The following ZSWIM9 variants were observed in gnomAD, a reference collection of about 807,000 sequenced individuals.
The protein encoded by ZSWIM9 is zinc finger SWIM-type containing 9.
A neutral mutation model predicts 25.0 loss-of-function variants in ZSWIM9; 11 were observed. The ratio of observed to expected loss-of-function variants is 0.44; its 90% CI spans 0.28 to 0.73. The LOEUF (loss-of-function observed/expected upper bound fraction) is 0.73, where lower values mean the gene tolerates loss of function less well. Among genes scored for constraint, ZSWIM9 ranks in the 30% least tolerant of loss-of-function variants. ZSWIM9 has a pLI of 0.16. For missense variants in ZSWIM9, 1,070 were observed against 1,296.5 expected (o/e 0.83, Z 2.68); for synonymous variants, 562 against 582.1 (o/e 0.97, Z 0.50).
At position 48,197,559 on chromosome 19, in the gene ZSWIM9, A is replaced by G; in HGVS notation, c.*732A>G. ...ACTGGGGGTCAGGAGAGTCTCCAGC[A>G]GGGGAGGGGAATTGTTTGGACTATT... On this transcript the variant is annotated 3_prime_UTR_variant, in exon 4 of 4. Transcript: ENST00000614654. 2.2e-6 allele frequency: 1 copy of G among 456,120 alleles called. No individual in the cohort carries two copies. Among genetic ancestry groups the G allele is most frequent in the African/African-American group, 2.0e-5 (1 of 50,846 alleles). 28.3% of individuals were successfully genotyped at this position (456,120 alleles called of 1,614,324 possible).
chr19:48,172,094 C>T lies in ZSWIM9; in HGVS notation c.275+17C>T. ...CGCCGTGGGGTGCGTGAACCTGAGCCGCTGTCCTGCTGGGGGGAAGGGGAG... is the reference window on the plus strand; with the variant it reads ...CGCCGTGGGGTGCGTGAACCTGAGCTGCTGTCCTGCTGGGGGGAAGGGGAG... On this transcript the variant is annotated intron_variant, in intron 2 of 3. Coordinates refer to ENST00000614654, the MANE Select transcript of ZSWIM9 (RefSeq NM_199341.4). The T allele has an allele frequency of 7.9e-7, 1 of 1,262,746 alleles. No individual in the cohort carries two copies. The highest frequency in any genetic ancestry group is 1.0e-6 in the Non-Finnish European group (1 of 971,980). The allele number at this position is 1,262,746 out of a possible 1,614,324, so 78.2% of individuals were successfully genotyped here.
At position 48,194,764 on chromosome 19, in the gene ZSWIM9, C is replaced by T. The variant is rs2037136609; in HGVS notation, c.700C>T (p.Leu234=). The T allele has an allele frequency of 1.3e-6, 2 of 1,533,134 alleles. No homozygotes were observed. The highest frequency in any genetic ancestry group is 1.7e-6 in the Non-Finnish European group (2 of 1,145,544). The allele number at this position is 1,533,134 out of a possible 1,614,324, so 95.0% of individuals were successfully genotyped here. The change falls in exon 4 of 4, where the codon CTG becomes TTG. Residue 234 remains leucine, a synonymous_variant. Transcript: ENST00000614654. The surrounding 1 kb of genome is among the most constrained non-coding windows in gnomAD (Gnocchi z 6.0). ...CCCTCGCATGCTGCTGGTGGACCGG[C>T]TGCCGGGGCTGCAGGGCGCGCTGGA... The part of the protein sequence containing the change: ...RFPRMLLVDR[L]PGLQGALDLL...
intron 3 of ZSWIM9, among the ~76,000 whole-genome samples, chr19:48,193,454 G>A (rs1422548758): frequency 1.3e-5 from 2 of 152,088 alleles, no homozygotes; most frequent in Admixed American, 6.5e-5. Context: ...AGAAGGACAC[G>A]GAATAAAATC....
Position 48,196,821 on chromosome 19 carries a change from GCCCTGAC to G in ZSWIM9, c.2760_*3del. 8.1e-7 allele frequency: 1 copy of G among 1,240,920 alleles called. No individual in the cohort carries two copies. Among genetic ancestry groups the G allele is most frequent in the Non-Finnish European group, 1.0e-6 (1 of 993,416 alleles). 76.9% of individuals were successfully genotyped at this position (1,240,920 alleles called of 1,614,324 possible). A position where few individuals can be genotyped will look rare whatever the true frequency, so the allele number is the denominator to read the frequency against. ...GGGATTGCTGGGGGAGAGCCCCAGA[GCCCTGAC>G]CCTTCATGCCTCTGCCCACCACCCT... On this transcript the variant is annotated stop_lost and 3_prime_UTR_variant, in exon 4 of 4. Transcript: ENST00000614654.
rs372130877 is a variant in ZSWIM9, at chr19:48,196,497, AC to A, written c.2438del (p.Pro813ArgfsTer63). 4 of 1,230,718 alleles carry A rather than the reference AC, an allele frequency of 3.3e-6. No individual in the cohort carries two copies. The highest frequency in any genetic ancestry group is 4.0e-6 in the Non-Finnish European group (4 of 987,872). 76.2% of individuals were successfully genotyped at this position (1,230,718 alleles called of 1,614,324 possible). On this transcript the variant is annotated frameshift_variant, in exon 4 of 4. Coordinates refer to ENST00000614654, the MANE Select transcript of ZSWIM9 (RefSeq NM_199341.4). LOFTEE classifies it high-confidence loss of function. The part of the protein sequence containing the change: ...GPREPKRLCR[P>X]PGEEEVDWEP... ...CCAGGGAACCAAAGAGGCTTTGCCGACCCCCGGGAGAGGAGGAGGTGGACTG... is the reference window on the plus strand; with the variant it reads ...CCAGGGAACCAAAGAGGCTTTGCCGACCCCGGGAGAGGAGGAGGTGGACTG...
chr19:48,187,665 C>T (rs1318981166), intron 3 of ZSWIM9: 5 of 127,806 alleles, frequency 3.9e-5, no homozygotes, highest in South Asian at 2.3e-4. Context: ...ATAATAGGTG[C>T]GATGGCTCAC....
At chr19:48,185,643 T>C (rs1467670956) in intron 3 of ZSWIM9, among the ~76,000 whole-genome samples, 3 of 152,224 alleles carry the variant, frequency 2.0e-5, no homozygotes. Flanking sequence ...TCTCGCTTTC[T>C]ATCCTATGGA....
intron 2 of ZSWIM9, among the ~76,000 whole-genome samples, chr19:48,180,260 C>G: frequency 6.6e-6 from 1 of 152,212 alleles, no homozygotes; most frequent in African/African-American, 2.4e-5. Context: ...AGGTGATCCG[C>G]CCACCTCGGC....
Position 48,182,113 on chromosome 19 carries a change from C to T in ZSWIM9, c.276-342C>T. On this transcript the variant is annotated intron_variant, in intron 2 of 3. Transcript: ENST00000614654. The surrounding 1 kb of genome is among the most constrained non-coding windows in gnomAD (Gnocchi z 4.6). The stretch of plus-strand genomic sequence containing the variant: ...CAATAAAACATTCACTCACTTTTGA[C>T]AGAACTAAGGGTGGTAGGTATAGAA... 1 of 269,546 alleles carries T rather than the reference C, an allele frequency of 3.7e-6. No individual in the cohort carries two copies. The highest frequency in any genetic ancestry group is 6.9e-6 in the Non-Finnish European group (1 of 144,248). 16.7% of individuals were successfully genotyped at this position (269,546 alleles called of 1,614,324 possible).
In ZSWIM9 at chr19:48,195,543, G is replaced by A. The variant is rs2037150359; in HGVS notation, c.1479G>A (p.Glu493=). The change falls in exon 4 of 4, where the codon GAG becomes GAA. Residue 493 remains glutamate (E), a synonymous_variant. Coordinates refer to ENST00000614654, the MANE Select transcript of ZSWIM9 (RefSeq NM_199341.4). This position sits in a 1 kb window ranked among gnomAD's most constrained non-coding sequence, Gnocchi z 5.8. The part of the protein sequence containing the change: ...EGSIWRGAQM[E]KEWARALETR... ...GTATTTGGAGGGGAGCCCAGATGGA[G>A]AAGGAGTGGGCAAGGGCACTGGAAA... The A allele has an allele frequency of 7.1e-7, 1 of 1,416,180 alleles. No homozygotes were observed. The highest frequency in any genetic ancestry group is 3.1e-5 in the Admixed American group (1 of 32,172). The allele number at this position is 1,416,180 out of a possible 1,614,324, so 87.7% of individuals were successfully genotyped here.
chr19:48,177,331 C>T (rs1317786864), intron 2 of ZSWIM9, among the ~76,000 whole-genome samples: 1 of 152,036 alleles, frequency 6.6e-6, no homozygotes, highest in African/African-American at 2.4e-5. Flanking sequence ...GACCATATCC[C>T]AGAGTAGGTG....
intron 2 of ZSWIM9, among the ~76,000 whole-genome samples, chr19:48,179,245 C>T (rs980931256): frequency 6.6e-6 from 1 of 152,166 alleles, no homozygotes; most frequent in African/African-American, 2.4e-5. Context: ...ACTATAACCT[C>T]GGATTCCTGG....
At chr19:48,186,017 T>C (rs1291440163) in intron 3 of ZSWIM9, among the ~76,000 whole-genome samples, 5 of 152,158 alleles carry the variant, frequency 3.3e-5, no homozygotes, top group Admixed American at 6.5e-5. Context: ...ATGGTTCTTA[T>C]CTGTACTGTC....
chr19:48,184,224 T>G (rs971592640), intron 3 of ZSWIM9, among the ~76,000 whole-genome samples: 4 of 151,808 alleles, frequency 2.6e-5, no homozygotes, highest in African/African-American at 9.7e-5. Flanking sequence ...GCAGAGGAGA[T>G]GGAACAGAGG....
intron 3 of ZSWIM9, among the ~76,000 whole-genome samples, chr19:48,187,419 A>ATATAT (rs370504125): frequency 3.5e-5 from 3 of 84,912 alleles, no homozygotes; most frequent in African/African-American, 1.2e-4. Context: ...TATTATAATT[A>ATATAT]TATATTATAT....
chr19:48,180,649 T>C (rs1041310919), intron 2 of ZSWIM9: 2 of 152,232 alleles, frequency 1.3e-5, no homozygotes, highest in African/African-American at 4.8e-5. Context: ...GAAGGCAGCA[T>C]ATGCACAGTT....
intron 2 of ZSWIM9, among the ~76,000 whole-genome samples, chr19:48,177,717 CA>C (rs2036907432): frequency 6.6e-6 from 1 of 152,170 alleles, no homozygotes; most frequent in South Asian, 2.1e-4. Flanking sequence ...AAGGGTTTCA[CA>C]AAAGCCCACG....
At chr19:48,180,859 G>A (rs1446537333) in intron 2 of ZSWIM9, 2 of 149,166 alleles carry the variant, frequency 1.3e-5, no homozygotes, top group African/African-American at 4.9e-5. Context: ...CCGGGTTAAA[G>A]CCATTCTCCT....
At chr19:48,186,017 T>A (rs1291440163) in intron 3 of ZSWIM9, among the ~76,000 whole-genome samples, 1 of 152,276 alleles carries the variant, frequency 6.6e-6, no homozygotes, top group Non-Finnish European at 1.5e-5. Context: ...ATGGTTCTTA[T>A]CTGTACTGTC....
Sources: gnomAD v4.1 joint callset for allele counts (sites outside exome capture counted in the v4.1 genomes callset) on GRCh38, gnomAD v4.1.1 for gene constraint, Gnocchi (gnomAD v3.1) non-coding constraint, MANE v1.5 for transcripts, NCBI Gene and HGNC (gene_info 2026-07-23, HGNC 2026-07-21) for gene names.